The following CFAP54 variants were observed in gnomAD, a reference collection of about 807,000 sequenced individuals.
The protein encoded by CFAP54 is cilia- and flagella-associated protein 54.
A neutral mutation model predicts 370.4 loss-of-function variants in CFAP54; 290 were observed. That is an observed-to-expected ratio of 0.78 (90% CI 0.71 to 0.86). The LOEUF (loss-of-function observed/expected upper bound fraction) is 0.86, where lower values mean the gene tolerates loss of function less well. Among genes scored for constraint, CFAP54 ranks in the 40% least tolerant of loss-of-function variants. CFAP54 has a pLI of 0.00. For synonymous variants in CFAP54, 1,206 were observed against 1,236.5 expected (o/e 0.98, Z 0.52); for missense variants, 3,399 against 3,528.7 (o/e 0.96, Z 0.93).
chr12:96,628,506 A>G (rs1956570030), intron 30 of CFAP54, among the ~76,000 whole-genome samples: 1 of 152,160 alleles, frequency 6.6e-6, no homozygotes, highest in Non-Finnish European at 1.5e-5. Context: ...AGGGAGAGAG[A>G]GAGGAGAGGC....
intron 55 of CFAP54, 65 bp downstream of exon 55, chr12:96,744,211 C>T (rs1202081808): frequency 1.8e-5 from 26 of 1,406,954 alleles, no homozygotes; most frequent in Admixed American, 4.4e-5. Flanking sequence ...TATTTTTAGG[C>T]AGGCTATCAT....
At chr12:96,802,141 A>G (rs1958826355) in intron 63 of CFAP54, among the ~76,000 whole-genome samples, 1 of 152,012 alleles carries the variant, frequency 6.6e-6, no homozygotes, top group African/African-American at 2.4e-5. Flanking sequence ...CTGCCTGACC[A>G]AGGAGGGACA....
At chr12:96,580,216 A>G (rs918149187) in intron 20 of CFAP54, among the ~76,000 whole-genome samples, 3 of 151,958 alleles carry the variant, frequency 2.0e-5, no homozygotes, top group Non-Finnish European at 2.9e-5. Flanking sequence ...CCCTGCCACT[A>G]TCTGTCTGAT....
chr12:96,732,471 G>A (rs1957932149), intron 50 of CFAP54, among the ~76,000 whole-genome samples: 1 of 152,088 alleles, frequency 6.6e-6, no homozygotes. Flanking sequence ...ACATTAAAGA[G>A]ATTCATGGCA....
At position 96,557,950 on chromosome 12, in the gene CFAP54, T is replaced by C. The variant is rs555350641; in HGVS notation, c.2410+3148T>C. Among the ~76,000 whole-genome samples the C allele has an allele frequency of 1.4e-4, 22 of 152,282 alleles. No individual in the cohort carries two copies. In the South Asian group the frequency reaches 4.4e-3, roughly 30 times the overall value. On this transcript the variant is annotated intron_variant, in intron 17 of 67. Coordinates refer to ENST00000524981, the MANE Select transcript of CFAP54 (RefSeq NM_001306084.2). ...AGACATATGTCCTTTGAAGACATTA[T>C]GTATAACTCATCTGCATTTCCAGAT...
intron 32 of CFAP54, among the ~76,000 whole-genome samples, chr12:96,640,182 A>T (rs561327380): frequency 6.6e-6 from 1 of 152,288 alleles, no homozygotes; most frequent in African/African-American, 2.4e-5. Flanking sequence ...AGAAAACCCC[A>T]TTGTCTCAGC....
chr12:96,843,295 G>A lies in CFAP54; in HGVS notation c.9171+14207G>A, dbSNP rs533861699. 9.2e-5 allele frequency among the ~76,000 whole-genome samples: 14 copies of A among 152,276 alleles called. No homozygotes were observed. The East Asian group carries it at 2.5e-3, about 27-fold the overall frequency. Reference sequence around the variant, plus strand: ...TGGCTTTTTCATTTCTATATCGCAGGTCAAAAACCCACAGGCAGAGTCCAC... The same window carrying A: ...TGGCTTTTTCATTTCTATATCGCAGATCAAAAACCCACAGGCAGAGTCCAC... On this transcript the variant is annotated intron_variant, in intron 66 of 67. Transcript: ENST00000524981.
intron 30 of CFAP54, among the ~76,000 whole-genome samples, chr12:96,629,549 G>A (rs1251761605): frequency 6.6e-6 from 1 of 150,756 alleles, no homozygotes; most frequent in Non-Finnish European, 1.5e-5. Flanking sequence ...TCCTGACCTC[G>A]TGATCCACCC....
chr12:96,492,697 G>C (rs1954898393), intron 1 of CFAP54, among the ~76,000 whole-genome samples: 1 of 152,204 alleles, frequency 6.6e-6, no homozygotes. Context: ...AAGGATTCAA[G>C]AGTTATTATC....
At chr12:96,554,611 A>T in intron 16 of CFAP54, 65 bp from the exon 17 acceptor site, 1 of 1,385,094 alleles carries the variant, frequency 7.2e-7, no homozygotes, top group Non-Finnish European at 9.7e-7. Context: ...TGATAATAGT[A>T]TACAGCTATT....
chr12:96,666,957 TG>T (rs1338701182), intron 39 of CFAP54, among the ~76,000 whole-genome samples: 2 of 152,088 alleles, frequency 1.3e-5, no homozygotes, highest in African/African-American at 4.8e-5. Flanking sequence ...CTAGATACAG[TG>T]GGGGTACAGG....
chr12:96,538,805 A>G, intron 13 of CFAP54: 1 of 272,958 alleles, frequency 3.7e-6, no homozygotes, highest in Non-Finnish European at 6.9e-6. Context: ...CTGCAGTAGT[A>G]TGGTACCATG....
intron 39 of CFAP54, among the ~76,000 whole-genome samples, chr12:96,664,689 GTATATATCTATATATATATATATATC>G (rs1957040610): frequency 1.1e-3 from 28 of 26,280 alleles, no homozygotes; most frequent in African/African-American, 5.7e-3. Context: ...ATTCCTTTGG[GTATATATCTATATATATATATATATC>G]TATATATATC....
chr12:96,867,719 A>G (rs148678446), intron 67 of CFAP54, among the ~76,000 whole-genome samples: 1 of 152,350 alleles, frequency 6.6e-6, no homozygotes, highest in African/African-American at 2.4e-5. Flanking sequence ...TTAAACTCGT[A>G]GAAGCAGAGA....
chr12:96,685,078 C>T lies in CFAP54; in HGVS notation c.5854C>T (p.Pro1952Ser), dbSNP rs1338818660. The T allele has an allele frequency of 1.9e-6, 3 of 1,614,086 alleles. No individual in the cohort carries two copies. Among genetic ancestry groups the T allele is most frequent in the Non-Finnish European group, 2.5e-6 (3 of 1,180,004 alleles). ...AGCTCTTGATGACATATTCAGAAAA[C>T]CAGACGTGCTACACACGTGGAAAGA... Reference protein sequence around the residue: ...CQALDDIFRKPDVLHTWKEFG... With the variant: ...CQALDDIFRKSDVLHTWKEFG... Residue 1952 changes from proline (P) to serine (S), a missense_variant, in exon 42 of 68, where the codon CCA becomes TCA. By Grantham distance (74) the Pro-to-Ser change is moderately conservative. Coordinates refer to ENST00000524981, the MANE Select transcript of CFAP54 (RefSeq NM_001306084.2).
In CFAP54 at chr12:96,588,174, A is replaced by G. The variant is rs537675601; in HGVS notation, c.3076-1253A>G. Among the ~76,000 whole-genome samples the G allele has an allele frequency of 5.9e-5, 9 of 152,002 alleles. No homozygotes were observed. In the South Asian group the frequency reaches 1.9e-3, roughly 32 times the overall value. On this transcript the variant is annotated intron_variant, in intron 22 of 67. Transcript: ENST00000524981. ...ATTTTTTTTTCATCTCAGACCTTGC[A>G]GGGATGAAATGTCTACTTTTTTTCT... is the stretch of plus-strand genomic sequence containing the variant.
intron 50 of CFAP54, among the ~76,000 whole-genome samples, chr12:96,734,371 C>T (rs1592732630): frequency 6.6e-6 from 1 of 152,238 alleles, no homozygotes; most frequent in Non-Finnish European, 1.5e-5. Context: ...GTCAGTTCCA[C>T]GAGGGCAGGG....
chr12:96,546,839 AC>A (rs1555232561), intron 14 of CFAP54, among the ~76,000 whole-genome samples: 4 of 150,930 alleles, frequency 2.7e-5, no homozygotes, highest in South Asian at 2.1e-4. Context: ...AAAAAAAAAA[AC>A]AACTCTATTT....
At chr12:96,824,301 A>G (rs987233974) in intron 65 of CFAP54, among the ~76,000 whole-genome samples, 1 of 152,324 alleles carries the variant, frequency 6.6e-6, no homozygotes, top group Admixed American at 6.5e-5. Flanking sequence ...AAGTAATGCC[A>G]GATTAAAAGG....
Sources: allele counts gnomAD v4.1 joint callset (sites outside exome capture counted in the v4.1 genomes callset), GRCh38; gene constraint gnomAD v4.1.1; transcripts MANE v1.5; gene names NCBI Gene and HGNC (gene_info 2026-07-23, HGNC 2026-07-21).